NLRC5: variants seen among roughly 807,000 people sequenced by gnomAD.
NLRC5 encodes the protein NLR family CARD domain containing 5, also known as protein NLRC5.
Under a neutral mutation model 206.9 loss-of-function variants are expected in NLRC5, and 114 were observed. That is an observed-to-expected ratio of 0.55 (90% CI 0.47 to 0.64). The LOEUF (loss-of-function observed/expected upper bound fraction) is 0.64. Among genes scored for constraint, NLRC5 ranks in the 30% least tolerant of loss-of-function variants. The pLI, the probability that NLRC5 is intolerant of heterozygous loss-of-function variation, is 0.00. For synonymous variants in NLRC5, 952 were observed against 962.8 expected, an observed-to-expected ratio of 0.99 and a Z score of 0.21; for missense variants, 2,008 against 2,305.5, an observed-to-expected ratio of 0.87 and a Z score of 2.64.
intron 33 of NLRC5, among the ~76,000 whole-genome samples, chr16:57,065,808 G>C (rs2067017391): frequency 6.6e-6 from 1 of 152,168 alleles, no homozygotes; most frequent in South Asian, 2.1e-4. Flanking sequence ...AGGATTACAA[G>C]AACTGGAGCC....
chr16:57,043,436 C>A, intron 19 of NLRC5, 79 bp from the exon 20 acceptor site: 1 of 1,101,222 alleles, frequency 9.1e-7, no homozygotes, highest in Non-Finnish European at 1.4e-6. Flanking sequence ...GGATCCCTCC[C>A]CCGCCCTGTG....
chr16:57,058,324 T>C (rs914691328), intron 28 of NLRC5, 176 bp downstream of exon 28: 12 of 598,284 alleles, frequency 2.0e-5, no homozygotes, highest in African/African-American at 7.4e-5. Context: ...TCCTTTCCTC[T>C]GTCCCTCACA....
At chr16:57,041,211 C>A in intron 17 of NLRC5, 6 of 461,472 alleles carry the variant, frequency 1.3e-5, no homozygotes, top group Non-Finnish European at 2.3e-5. Flanking sequence ...TCAGTCTTAT[C>A]TGTCTTCCTC....
chr16:57,080,989 A>G, intron 46 of NLRC5, 109 bp from the exon 47 acceptor site: 1 of 950,348 alleles, frequency 1.1e-6, no homozygotes, highest in Non-Finnish European at 1.6e-6. Context: ...CCTCTCTTGA[A>G]AACCCTTGCC....
intron 27 of NLRC5, 60 bp downstream of exon 27, chr16:57,055,579 A>AG: frequency 7.5e-7 from 1 of 1,329,750 alleles, no homozygotes; most frequent in Non-Finnish European, 1.1e-6. Flanking sequence ...GGGGCACTGA[A>AG]GGGGGTATGA....
At chr16:57,021,924 A>C (rs56096618) in intron 3 of NLRC5, among the ~76,000 whole-genome samples, 5,383 of 152,344 alleles carry the variant, frequency 0.035, 133 homozygotes, top group South Asian at 0.065. Context: ...GTGCAGACAT[A>C]TGCAGATACA....
Position 57,061,705 on chromosome 16 carries a change from C to A in NLRC5, c.4154+4C>A, listed in dbSNP as rs2066509724. 1 of 1,599,864 alleles carries A rather than the reference C, an allele frequency of 6.3e-7. No homozygotes were observed. The highest frequency in any genetic ancestry group is 8.5e-7 in the Non-Finnish European group (1 of 1,175,452). On this transcript the variant is annotated splice_donor_region_variant and intron_variant, in intron 32 of 48. Coordinates refer to ENST00000688547, the MANE Select transcript of NLRC5 (RefSeq NM_001384950.1). ...CCGCAGGGCTGTTCAGCCTCAGGTA[C>A]CTCCTCCCCCGCTGCCTCCGGGAGG...
chr16:56,992,775 G>T (rs2057062351), intron 1 of NLRC5, among the ~76,000 whole-genome samples: 2 of 151,884 alleles, frequency 1.3e-5, no homozygotes, highest in South Asian at 4.2e-4. Flanking sequence ...CCAACACCCA[G>T]CCCATATATT....
intron 13 of NLRC5, chr16:57,034,604 C>T (rs560326675): frequency 6.2e-4 from 122 of 196,928 alleles, no homozygotes; most frequent in African/African-American, 2.5e-3. Context: ...CAGTCTGGCT[C>T]GCAGCCTCAT....
chr16:57,012,476 G>T (rs1193896286), intron 1 of NLRC5, among the ~76,000 whole-genome samples: 1 of 152,192 alleles, frequency 6.6e-6, no homozygotes, highest in East Asian at 1.9e-4. Context: ...TGGCCTGTTA[G>T]GAACTGGGCC....
chr16:57,078,965 G>A (rs1597466333), intron 43 of NLRC5, 85 bp from the exon 44 acceptor site: 1 of 1,201,186 alleles, frequency 8.3e-7, no homozygotes, highest in Non-Finnish European at 1.2e-6. Context: ...CTACGGGCTG[G>A]CACTGCAGCC....
At chr16:57,029,582 C>T (rs75974417) in intron 8 of NLRC5, among the ~76,000 whole-genome samples, 191 bp from the exon 9 acceptor site, 24,494 of 152,178 alleles carry the variant, frequency 0.16, 2,407 homozygotes, top group Middle Eastern at 0.29. Context: ...AGAATAGACC[C>T]AGAATTGAGG....
chr16:57,007,393 T>C (rs1442585456), intron 1 of NLRC5, among the ~76,000 whole-genome samples: 1 of 152,236 alleles, frequency 6.6e-6, no homozygotes, highest in Admixed American at 6.5e-5. Flanking sequence ...ATATTTATTC[T>C]ATTTTCTGTG....
At chr16:57,003,047 G>GTGTT (rs141689188) in intron 1 of NLRC5, among the ~76,000 whole-genome samples, 57,778 of 150,030 alleles carry the variant, frequency 0.39, 11,888 homozygotes, top group East Asian at 0.56. Context: ...ATAGATTGAG[G>GTGTT]TGTTTGTTTG....
At chr16:57,068,274 C>CA (rs1324591411) in intron 36 of NLRC5, among the ~76,000 whole-genome samples, 7 of 151,820 alleles carry the variant, frequency 4.6e-5, no homozygotes, top group East Asian at 3.9e-4. Flanking sequence ...TACTAAAATA[C>CA]AAAAAAATTA....
At chr16:57,063,078 C>T (rs941608624) in intron 32 of NLRC5, among the ~76,000 whole-genome samples, 5 of 147,566 alleles carry the variant, frequency 3.4e-5, no homozygotes, top group Non-Finnish European at 5.9e-5. Flanking sequence ...CATGTTGCAG[C>T]GTGTGTCACT....
chr16:56,994,465 A>G (rs1307496334), intron 1 of NLRC5, among the ~76,000 whole-genome samples: 1 of 152,206 alleles, frequency 6.6e-6, no homozygotes, highest in Non-Finnish European at 1.5e-5. Flanking sequence ...AGCCGGGAAC[A>G]CAACCAACTC....
At position 57,026,491 on chromosome 16, in the gene NLRC5, C is replaced by G; in HGVS notation, c.1548C>G (p.Ser516Arg). The stretch of plus-strand genomic sequence containing the variant: ...CAGGCTATGCTTTCACCCACCTCAG[C>G]CTGCAGGAGTTTCTTGCTGCCCTGC... ...QQTGYAFTHL[S>R]LQEFLAALHL... Residue 516 changes from serine to arginine, a missense_variant, in exon 6 of 49, where the codon AGC becomes AGG. Physicochemically the swap from Ser to Arg is moderately radical, Grantham distance 110 (BLOSUM62 -1). Transcript: ENST00000688547. 3 of 1,614,176 alleles carry G rather than the reference C, an allele frequency of 1.9e-6. No homozygotes were observed.
rs1373307929 is a variant in NLRC5, at chr16:57,061,882, A to G, written c.4154+181A>G. The G allele has an allele frequency of 3.9e-6, 6 of 1,535,050 alleles. No homozygotes were observed. In the African/African-American group the frequency reaches 8.2e-5, roughly 21 times the overall value. On this transcript the variant is annotated intron_variant, in intron 32 of 48. Transcript: ENST00000688547. ...CAGAGACTCCACAAGGCACACAGAGAAACTGTCCTTCCCCACACTGGAGGC... is the reference window on the plus strand; with the variant it reads ...CAGAGACTCCACAAGGCACACAGAGGAACTGTCCTTCCCCACACTGGAGGC...
Sources: allele counts gnomAD v4.1 joint callset (sites outside exome capture counted in the v4.1 genomes callset), GRCh38; gene constraint gnomAD v4.1.1; transcripts MANE v1.5; gene names NCBI Gene and HGNC (gene_info 2026-07-23, HGNC 2026-07-21).